Variants in LOC131768270 observed in about 807,000 individuals in gnomAD.
chr5:140,565,059 C>T, the LOC131768270 span: 1 of 397,454 alleles, frequency 2.5e-6, no homozygotes, highest in South Asian at 1.4e-4. Context: ...GTGGATCCCC[C>T]AGATGTCCCC....
chr5:140,568,815 G>C, the LOC131768270 span: 1 of 167,454 alleles, frequency 6.0e-6, no homozygotes, highest in Non-Finnish European at 1.5e-5. Flanking sequence ...GTAGCCCCTG[G>C]GCCCTGGCTT....
At chr5:140,567,563 C>T in the LOC131768270 span, 2 of 1,614,114 alleles carry the variant, frequency 1.2e-6, no homozygotes, top group African/African-American at 2.7e-5. Context: ...GCTCTACTGC[C>T]TCTGCCTCCG....
chr5:140,567,419 C>T, the LOC131768270 span: 20 of 1,614,020 alleles, frequency 1.2e-5, no homozygotes, highest in East Asian at 1.8e-4. Flanking sequence ...CCCACCCTGG[C>T]GCCAGGCTGC....
the LOC131768270 span, chr5:140,568,107 T>C: frequency 1.2e-6 from 2 of 1,613,740 alleles, no homozygotes; most frequent in Non-Finnish European, 1.7e-6. Context: ...ACATTGCTCA[T>C]TGGCCTGGCC....
the LOC131768270 span, chr5:140,566,634 G>T: frequency 3.1e-5 from 14 of 445,972 alleles, no homozygotes; most frequent in Middle Eastern, 5.6e-4. Context: ...CAAACTGAGG[G>T]CATCAGCAGT....
At chr5:140,566,786 G>A in the LOC131768270 span, 2 of 599,844 alleles carry the variant, frequency 3.3e-6, no homozygotes, top group Non-Finnish European at 5.9e-6. Context: ...GGAAGAGGCA[G>A]GATGAGCAGC....
the LOC131768270 span, chr5:140,568,435 A>G: frequency 3.2e-5 from 15 of 466,840 alleles, 1 homozygote; most frequent in South Asian, 3.9e-4. Flanking sequence ...AGGCCTGAGA[A>G]ATAACCCCAT....
chr5:140,567,418 G>C, the LOC131768270 span: 29 of 1,614,010 alleles, frequency 1.8e-5, no homozygotes, highest in Non-Finnish European at 2.5e-5. Flanking sequence ...CCCCACCCTG[G>C]CGCCAGGCTG....
At chr5:140,564,902 C>A in the LOC131768270 span, 1 of 403,836 alleles carries the variant, frequency 2.5e-6, no homozygotes, top group Non-Finnish European at 4.4e-6. The surrounding 1 kb of genome is among the most constrained non-coding windows in gnomAD (Gnocchi z 5.0). Context: ...GTGGTCTTCA[C>A]TCTCCTTGAC....
chr5:140,566,886 C>G, the LOC131768270 span: 1 of 616,982 alleles, frequency 1.6e-6, no homozygotes, highest in Non-Finnish European at 2.9e-6. Context: ...ATCCTTGCCT[C>G]CCTTCCTGCA....
At chr5:140,566,596 A>G in the LOC131768270 span, 6 of 434,958 alleles carry the variant, frequency 1.4e-5, no homozygotes, top group Admixed American at 1.6e-4. Flanking sequence ...CCGTTCCTCA[A>G]GGGATTCCTG....
chr5:140,566,834 A>G, the LOC131768270 span: 1 of 605,548 alleles, frequency 1.7e-6, no homozygotes, highest in Non-Finnish European at 2.9e-6. Context: ...TGGATTCCCC[A>G]GCTGTCATCC....
the LOC131768270 span, chr5:140,566,582 C>T: frequency 2.3e-6 from 1 of 430,682 alleles, no homozygotes; most frequent in Non-Finnish European, 4.1e-6. Context: ...CGCTGTTGTC[C>T]TCCCCGTTCC....
At chr5:140,568,057 C>A in the LOC131768270 span, 20 of 1,613,988 alleles carry the variant, frequency 1.2e-5, no homozygotes, top group Non-Finnish European at 1.7e-5. Context: ...TCTCAGCAGT[C>A]CTGCTACGGC....
the LOC131768270 span, chr5:140,566,475 G>A: frequency 2.5e-6 from 1 of 400,512 alleles, no homozygotes; most frequent in Non-Finnish European, 4.4e-6. Context: ...AGGAGGAGCT[G>A]GTGGTGGAAT....
At chr5:140,567,185 G>A in the LOC131768270 span, 1 of 1,614,192 alleles carries the variant, frequency 6.2e-7, no homozygotes, top group Non-Finnish European at 8.5e-7. Context: ...TGTAGAGGAT[G>A]GGGGTATGCC....
chr5:140,565,039 G>A, the LOC131768270 span: 3 of 397,860 alleles, frequency 7.5e-6, no homozygotes. Context: ...TCGGCGAGGC[G>A]GGAGGAGCCG....
chr5:140,567,460 C>T, the LOC131768270 span: 13 of 1,614,146 alleles, frequency 8.1e-6, no homozygotes, highest in Admixed American at 8.3e-5. Context: ...TGCTCTATGG[C>T]GCTAACAACA....
the LOC131768270 span, chr5:140,568,110 G>T: frequency 3.1e-5 from 50 of 1,613,594 alleles, no homozygotes; most frequent in Non-Finnish European, 3.9e-5. Context: ...TTGCTCATTG[G>T]CCTGGCCATG....
Sources: gnomAD v4.1 joint callset for allele counts on GRCh38, gnomAD v4.1.1 for gene constraint, Gnocchi (gnomAD v3.1) non-coding constraint, MANE v1.5 for transcripts.